DNAJC5B: variants seen among roughly 807,000 people sequenced by gnomAD.
DNAJC5B encodes the protein DnaJ heat shock protein family (Hsp40) member C5 beta, also known as dnaJ homolog subfamily C member 5B.
A neutral mutation model predicts 24.7 loss-of-function variants in DNAJC5B; 23 were observed. The observed-to-expected ratio is 0.93, with a 90% CI of 0.67 to 1.32. The LOEUF is 1.32. Among genes scored for constraint, DNAJC5B ranks in the 40% most tolerant of loss-of-function variants. The probability of loss-of-function intolerance (pLI) is 0.00; values close to 1 mark genes in which losing one functional copy is unlikely to be tolerated. For synonymous variants in DNAJC5B, 101 were observed against 90.1 expected, an observed-to-expected ratio of 1.12 and a Z score of -0.68; for missense variants, 238 against 240.8, an observed-to-expected ratio of 0.99 and a Z score of 0.08.
upstream of DNAJC5B, among the ~76,000 whole-genome samples, chr8:66,021,212 C>T (rs979616852): frequency 2.6e-5 from 4 of 152,058 alleles, no homozygotes; most frequent in Non-Finnish European, 5.9e-5. Context: ...GTCTTCACCA[C>T]GTGGGGCCTC....
In DNAJC5B at chr8:66,076,813, C is replaced by G. The variant is rs1468376532; in HGVS notation, c.273C>G (p.Ala91=). The change falls in exon 4 of 6, where the codon GCC becomes GCG. Residue 91 remains alanine, a synonymous_variant. Coordinates refer to ENST00000276570, the MANE Select transcript of DNAJC5B (RefSeq NM_033105.6). The part of the protein sequence containing the change: ...DKYGSLGLYV[A]EQFGDENVNT... The stretch of plus-strand genomic sequence containing the variant: ...ACGGATCGCTGGGACTCTACGTGGC[C>G]GAGCAGTTTGGAGACGAAAACGTTA... 3 of 1,613,994 alleles carry G rather than the reference C, an allele frequency of 1.9e-6. No homozygotes were observed. The highest frequency in any genetic ancestry group is 2.2e-5 in the East Asian group (1 of 44,900).
At chr8:66,067,668 C>T (rs1278124354) in intron 3 of DNAJC5B, among the ~76,000 whole-genome samples, 1 of 152,156 alleles carries the variant, frequency 6.6e-6, no homozygotes, top group Non-Finnish European at 1.5e-5. Flanking sequence ...TTGTGAGAAG[C>T]CTCATCTAGC....
chr8:66,052,267 C>T (rs1329546349), intron 3 of DNAJC5B, among the ~76,000 whole-genome samples: 12 of 152,014 alleles, frequency 7.9e-5, no homozygotes, highest in Non-Finnish European at 1.5e-5. Flanking sequence ...CAATCGCTGT[C>T]ATTTAACCCA....
intron 1 of DNAJC5B, among the ~76,000 whole-genome samples, chr8:66,032,859 C>T (rs1806389147): frequency 6.6e-6 from 1 of 152,190 alleles, no homozygotes. Context: ...TAACTATGAG[C>T]CCCTAAATAA....
chr8:66,064,650 A>G (rs752918836), intron 3 of DNAJC5B, among the ~76,000 whole-genome samples: 2 of 152,168 alleles, frequency 1.3e-5, no homozygotes, highest in African/African-American at 4.8e-5. Flanking sequence ...CCAGATACAG[A>G]TATTTTGAGC....
chr8:66,070,468 AAAT>A (rs1807321902), intron 3 of DNAJC5B, among the ~76,000 whole-genome samples: 1 of 152,156 alleles, frequency 6.6e-6, no homozygotes, highest in African/African-American at 2.4e-5. Context: ...GCTACAAAGA[AAAT>A]AAAATACCTA....
intron 1 of DNAJC5B, among the ~76,000 whole-genome samples, chr8:66,029,111 G>A (rs957124889): frequency 3.3e-5 from 5 of 152,160 alleles, no homozygotes; most frequent in Admixed American, 6.5e-5. Flanking sequence ...GCCTCCTCCA[G>A]GATTCCTGCT....
chr8:66,061,258 C>T (rs573972874), intron 3 of DNAJC5B, among the ~76,000 whole-genome samples: 3 of 152,082 alleles, frequency 2.0e-5, no homozygotes, highest in Admixed American at 2.0e-4. Flanking sequence ...AGCCACCGCA[C>T]TCCAGCCTGG....
chr8:66,089,758 C>G (rs1267180094), intron 5 of DNAJC5B, among the ~76,000 whole-genome samples: 1 of 152,036 alleles, frequency 6.6e-6, no homozygotes, highest in Non-Finnish European at 1.5e-5. Flanking sequence ...AAGTATAATC[C>G]AGCTTCTACC....
chr8:66,046,219 T>C (rs1806719667), intron 2 of DNAJC5B, among the ~76,000 whole-genome samples: 1 of 152,184 alleles, frequency 6.6e-6, no homozygotes, highest in Non-Finnish European at 1.5e-5. Context: ...CACATTCCTC[T>C]ACTTCCAGGT....
chr8:66,094,475 G>A (rs1435359345), intron 5 of DNAJC5B, among the ~76,000 whole-genome samples: 1 of 151,794 alleles, frequency 6.6e-6, no homozygotes, highest in African/African-American at 2.4e-5. Context: ...TAAAAACATT[G>A]ATTTTTGAAT....
intron 1 of DNAJC5B, among the ~76,000 whole-genome samples, chr8:66,026,548 G>A (rs1442663578): frequency 6.6e-6 from 1 of 152,256 alleles, no homozygotes; most frequent in Non-Finnish European, 1.5e-5. Context: ...GTCCCCTGAG[G>A]CGCCTTGGCA....
Position 66,051,525 on chromosome 8 carries a change from C to T in DNAJC5B, c.-17-6C>T. ...ATAACCTTCATGGCTATTTTCTCCC[C>T]TTTAGTTTTGCAGCCTTAGAAAATG... On this transcript the variant is annotated splice_polypyrimidine_tract_variant and splice_region_variant and intron_variant, in intron 2 of 5. Transcript: ENST00000276570. 6.4e-7 allele frequency: 1 copy of T among 1,565,802 alleles called. No homozygotes were observed. The highest frequency in any genetic ancestry group is 8.8e-7 in the Non-Finnish European group (1 of 1,138,974).
chr8:66,028,945 C>A (rs906070159), intron 1 of DNAJC5B, among the ~76,000 whole-genome samples: 1 of 152,204 alleles, frequency 6.6e-6, no homozygotes, highest in African/African-American at 2.4e-5. Flanking sequence ...CCAAGCCTCT[C>A]CCCTTGGCTA....
chr8:66,049,403 G>C (rs754138893), intron 2 of DNAJC5B, among the ~76,000 whole-genome samples: 1 of 152,140 alleles, frequency 6.6e-6, no homozygotes. Context: ...GCTCCATATA[G>C]GTGTACCAAT....
intron 3 of DNAJC5B, among the ~76,000 whole-genome samples, chr8:66,075,375 T>C (rs1396040633): frequency 4.0e-5 from 6 of 151,544 alleles, no homozygotes; most frequent in Non-Finnish European, 8.8e-5. Flanking sequence ...TTTGGAACCA[T>C]GGGGGGGGAA....
At chr8:66,076,268 A>G (rs528607738) in intron 3 of DNAJC5B, among the ~76,000 whole-genome samples, 1 of 152,308 alleles carries the variant, frequency 6.6e-6, no homozygotes, top group Admixed American at 6.5e-5. Flanking sequence ...ATTCTGGAAA[A>G]TTCTTCTGGT....
intron 5 of DNAJC5B, among the ~76,000 whole-genome samples, chr8:66,097,597 G>T: frequency 6.7e-6 from 1 of 148,922 alleles, no homozygotes; most frequent in Non-Finnish European, 1.5e-5. Context: ...AACTGTTTCT[G>T]CCTGAATTAT....
At chr8:66,037,802 T>G (rs1806521292) in intron 1 of DNAJC5B, among the ~76,000 whole-genome samples, 1 of 152,278 alleles carries the variant, frequency 6.6e-6, no homozygotes, top group Admixed American at 6.5e-5. Context: ...CTTGGCTGTT[T>G]GTATGAAAGA....
Sources: gnomAD v4.1 joint callset for allele counts (sites outside exome capture counted in the v4.1 genomes callset) on GRCh38, gnomAD v4.1.1 for gene constraint, MANE v1.5 for transcripts, NCBI Gene and HGNC (gene_info 2026-07-23, HGNC 2026-07-21) for gene names.